Variants in OR8G1 observed in about 807,000 individuals in gnomAD.
The protein encoded by OR8G1 is olfactory receptor family 8 subfamily G member 1, also known as olfactory receptor 8G1.
For synonymous variants in OR8G1, 129 were observed against 133.3 expected (o/e 0.97, Z 0.22); for missense variants, 372 against 356.2 (o/e 1.04, Z -0.36).
rs201337998 is a variant in OR8G1, at chr11:124,250,357, A to G, written c.682A>G (p.Ile228Val). 3.2e-5 allele frequency: 52 copies of G among 1,613,542 alleles called. No homozygotes were observed. The Middle Eastern group carries it at 4.6e-3, about 143-fold the overall frequency. Residue 228 changes from isoleucine (I) to valine (V), a missense_variant, in exon 3 of 3, where the codon ATT becomes GTT. By Grantham distance (29) the Ile-to-Val change is conservative. Transcript: ENST00000641972. The part of the protein sequence containing the change: ...YIFIIASILH[I>V]RSTEGRSKAF... ...CTTTATTATTGCCAGCATCCTCCAC[A>G]TTCGCTCCACTGAGGGCAGGTCCAA...
At chr11:124,243,181 C>T (rs1236159546) in intron 1 of OR8G1, among the ~76,000 whole-genome samples, 1 of 151,832 alleles carries the variant, frequency 6.6e-6, no homozygotes, top group Admixed American at 6.6e-5. Context: ...AATTTATAAC[C>T]CTACTTAGCT....
At position 124,252,822 on chromosome 11, in the gene OR8G1, C is replaced by T. The variant is rs556720170; in HGVS notation, c.*2211C>T. ...AAACTTCTCCACAATTTCAGATGCT[C>T]ATTTGGCTTATGTACAGTCAGCTCA... On this transcript the variant is annotated 3_prime_UTR_variant, in exon 3 of 3. Coordinates refer to ENST00000641972, the MANE Select transcript of OR8G1 (RefSeq NM_001002905.2). The T allele has an allele frequency of 9.8e-5, 15 of 152,302 alleles. No individual in the cohort carries two copies. Among genetic ancestry groups the T allele is most frequent in the Admixed American group, 8.5e-4 (13 of 15,296 alleles). 9.4% of individuals were successfully genotyped at this position (152,302 alleles called of 1,614,324 possible).
intron 1 of OR8G1, among the ~76,000 whole-genome samples, chr11:124,241,736 T>C (rs1411610436): frequency 6.6e-6 from 1 of 152,046 alleles, no homozygotes; most frequent in Non-Finnish European, 1.5e-5. Flanking sequence ...GAAAGACAGG[T>C]GTTGGTAAGA....
At chr11:124,248,848 G>C (rs924663952) in intron 2 of OR8G1, among the ~76,000 whole-genome samples, 7 of 151,980 alleles carry the variant, frequency 4.6e-5, no homozygotes. Flanking sequence ...TGATGATCTT[G>C]CTTACTTTCT....
At position 124,252,251 on chromosome 11, in the gene OR8G1, A is replaced by C. The variant is rs1295416607; in HGVS notation, c.*1640A>C. On this transcript the variant is annotated 3_prime_UTR_variant, in exon 3 of 3. Transcript: ENST00000641972. Reference sequence around the variant, plus strand: ...CTGAGTCTGGGAAGATTCAACTGTTAATCTATTTCTTCCATGTGGAGCCAA... The same window carrying C: ...CTGAGTCTGGGAAGATTCAACTGTTCATCTATTTCTTCCATGTGGAGCCAA... 3 of 152,170 alleles carry C rather than the reference A, an allele frequency of 2.0e-5. No homozygotes were observed. Among genetic ancestry groups the C allele is most frequent in the African/African-American group, 7.2e-5 (3 of 41,442 alleles). The allele number at this position is 152,170 out of a possible 1,614,324, so 9.4% of individuals were successfully genotyped here. A position where few individuals can be genotyped will look rare whatever the true frequency, so the allele number is the denominator to read the frequency against.
chr11:124,249,854 A>T lies in OR8G1; in HGVS notation c.179A>T (p.Tyr60Phe). ...AGTTCTCACCTGCACACCCCTATGT[A>T]CTATTTCCTCAGCAGTCTGTCCTTC... The part of the protein sequence containing the change: ...WLSSHLHTPM[Y>F]YFLSSLSFID... Residue 60 changes from tyrosine to phenylalanine, a missense_variant, in exon 3 of 3, where the codon TAC becomes TTC. Tyr to Phe is a conservative substitution (Grantham distance 22). Transcript: ENST00000641972. The T allele has an allele frequency of 6.2e-7, 1 of 1,613,862 alleles. No homozygotes were observed. The highest frequency in any genetic ancestry group is 8.5e-7 in the Non-Finnish European group (1 of 1,179,986).
rs1861854966 is a variant in OR8G1, at chr11:124,250,259, A to G, written c.584A>G (p.Asn195Ser). 1 of 1,613,758 alleles carries G rather than the reference A, an allele frequency of 6.2e-7. No individual in the cohort carries two copies. Among genetic ancestry groups the G allele is most frequent in the African/African-American group, 1.3e-5 (1 of 75,034 alleles). The change falls in exon 3 of 3, where the codon AAC (asparagine) becomes AGC (serine). Residue 195 changes from asparagine (N) to serine (S), a missense_variant. Coordinates refer to ENST00000641972, the MANE Select transcript of OR8G1 (RefSeq NM_001002905.2). The stretch of plus-strand genomic sequence containing the variant: ...CTCTCTTGCTCTAGTATCTATGTCA[A>G]CAAACTACTTATTCTATGTGTTGGT... ...LKLSCSSIYV[N>S]KLLILCVGAF...
Position 124,250,281 on chromosome 11 carries a change from T to G in OR8G1, c.606T>G (p.Val202=), listed in dbSNP as rs755564814. The G allele has an allele frequency of 6.2e-7, 1 of 1,613,798 alleles. No individual in the cohort carries two copies. ...TCAACAAACTACTTATTCTATGTGTTGGTGCATTTAACATCCTTGTCCCCA... is the reference window on the plus strand; with the variant it reads ...TCAACAAACTACTTATTCTATGTGTGGGTGCATTTAACATCCTTGTCCCCA... ...IYVNKLLILC[V]GAFNILVPSL... The change falls in exon 3 of 3, where the codon GTT becomes GTG. Residue 202 remains valine, a synonymous_variant. Coordinates refer to ENST00000641972, the MANE Select transcript of OR8G1 (RefSeq NM_001002905.2).
In OR8G1 at chr11:124,246,899, A is replaced by G. The variant is rs1042658724; in HGVS notation, c.-96-902A>G. ...AAAAAAAGGCCCCACATCTGTAATG[A>G]TAACAATTCACTTCTGTATAATCCT... is the stretch of plus-strand genomic sequence containing the variant. On this transcript the variant is annotated intron_variant, in intron 1 of 2. Transcript: ENST00000641972. 2.7e-5 allele frequency among the ~76,000 whole-genome samples: 4 copies of G among 150,522 alleles called. No individual in the cohort carries two copies. The South Asian group carries it at 8.3e-4, about 31-fold the overall frequency.
intron 2 of OR8G1, 75 bp from the exon 3 acceptor site, chr11:124,249,585 T>G: frequency 7.0e-7 from 1 of 1,433,614 alleles, no homozygotes; most frequent in African/African-American, 1.4e-5. Flanking sequence ...TCTGGGAACC[T>G]TTTCTCAATG....
At position 124,252,455 on chromosome 11, in the gene OR8G1, C is replaced by T. The variant is rs571825398; in HGVS notation, c.*1844C>T. Reference sequence around the variant, plus strand: ...CATCTCTGAAACTCAATCTGCATTACTTTTCCATATCATCCTTATGTTCTC... The same window carrying T: ...CATCTCTGAAACTCAATCTGCATTATTTTTCCATATCATCCTTATGTTCTC... On this transcript the variant is annotated 3_prime_UTR_variant, in exon 3 of 3. Transcript: ENST00000641972. 2.6e-5 allele frequency: 4 copies of T among 152,274 alleles called. No individual in the cohort carries two copies. The highest frequency in any genetic ancestry group is 9.6e-5 in the African/African-American group (4 of 41,560). The allele number at this position is 152,274 out of a possible 1,614,324, so 9.4% of individuals were successfully genotyped here. A position where few individuals can be genotyped will look rare whatever the true frequency, so the allele number is the denominator to read the frequency against.
chr11:124,249,515 A>T, intron 2 of OR8G1, 145 bp from the exon 3 acceptor site: 1 of 665,990 alleles, frequency 1.5e-6, no homozygotes, highest in Non-Finnish European at 2.3e-6. Context: ...AAATAAGATT[A>T]AATAAATATT....
At position 124,252,852 on chromosome 11, in the gene OR8G1, A is replaced by G. The variant is rs1291821643; in HGVS notation, c.*2241A>G. 1 of 152,190 alleles carries G rather than the reference A, an allele frequency of 6.6e-6. No homozygotes were observed. Among genetic ancestry groups the G allele is most frequent in the East Asian group, 1.9e-4 (1 of 5,186 alleles). 9.4% of individuals were successfully genotyped at this position (152,190 alleles called of 1,614,324 possible). A position where few individuals can be genotyped will look rare whatever the true frequency, so the allele number is the denominator to read the frequency against. On this transcript the variant is annotated 3_prime_UTR_variant, in exon 3 of 3. Coordinates refer to ENST00000641972, the MANE Select transcript of OR8G1 (RefSeq NM_001002905.2). ...GGCTTATGTACAGTCAGCTCAAAGA[A>G]TTCTTGCTCTTGGGGTCACCTTTAC...
chr11:124,250,788 C>T lies in OR8G1; in HGVS notation c.*177C>T. 2 of 326,620 alleles carry T rather than the reference C, an allele frequency of 6.1e-6. 1 individual carries two copies. Among genetic ancestry groups the T allele is most frequent in the Non-Finnish European group, 1.0e-5 (2 of 195,968 alleles). 20.2% of individuals were successfully genotyped at this position (326,620 alleles called of 1,614,324 possible). A position where few individuals can be genotyped will look rare whatever the true frequency, so the allele number is the denominator to read the frequency against. On this transcript the variant is annotated 3_prime_UTR_variant, in exon 3 of 3. Transcript: ENST00000641972. ...TGTCATTTCCCATGTGGGGTTTTAACTCATATGTATCAATGAGACACAAAT... is the reference window on the plus strand; with the variant it reads ...TGTCATTTCCCATGTGGGGTTTTAATTCATATGTATCAATGAGACACAAAT...
At chr11:124,245,583 G>T (rs376534558) in intron 1 of OR8G1, among the ~76,000 whole-genome samples, 1 of 142,286 alleles carries the variant, frequency 7.0e-6, no homozygotes, top group African/African-American at 2.7e-5. Flanking sequence ...CCTGAGGAAT[G>T]GCCACACTGA....
intron 2 of OR8G1, among the ~76,000 whole-genome samples, chr11:124,248,479 G>A (rs1861833644): frequency 6.6e-6 from 1 of 151,700 alleles, no homozygotes; most frequent in Non-Finnish European, 1.5e-5. Flanking sequence ...TTTTCTTCCA[G>A]ATATTTTATA....
At chr11:124,245,918 C>T (rs1433217192) in intron 1 of OR8G1, among the ~76,000 whole-genome samples, 2 of 146,672 alleles carry the variant, frequency 1.4e-5, no homozygotes, top group Non-Finnish European at 1.5e-5. Flanking sequence ...GATATTAGCC[C>T]TTTGTCAGAT....
Position 124,250,287 on chromosome 11 carries a change from A to C in OR8G1, c.612A>C (p.Ala204=), listed in dbSNP as rs78958767. 1 of 1,613,628 alleles carries C rather than the reference A, an allele frequency of 6.2e-7. No individual in the cohort carries two copies. The highest frequency in any genetic ancestry group is 8.5e-7 in the Non-Finnish European group (1 of 1,179,816). Residue 204 remains alanine, a synonymous_variant, in exon 3 of 3, where the codon GCA becomes GCC. Coordinates refer to ENST00000641972, the MANE Select transcript of OR8G1 (RefSeq NM_001002905.2). The part of the protein sequence containing the change: ...VNKLLILCVG[A]FNILVPSLTI... ...AACTACTTATTCTATGTGTTGGTGC[A>C]TTTAACATCCTTGTCCCCAGCCTGA...
chr11:124,246,695 C>T (rs1225977777), intron 1 of OR8G1, among the ~76,000 whole-genome samples: 1 of 151,570 alleles, frequency 6.6e-6, no homozygotes, highest in Non-Finnish European at 1.5e-5. Context: ...ATATAGATCA[C>T]ATGACCCTCC....
Sources: gnomAD v4.1 joint callset for allele counts (sites outside exome capture counted in the v4.1 genomes callset) on GRCh38, gnomAD v4.1.1 for gene constraint, MANE v1.5 for transcripts, NCBI Gene and HGNC (gene_info 2026-07-23, HGNC 2026-07-21) for gene names.